The following SCLT1 variants were observed in gnomAD, a reference collection of about 807,000 sequenced individuals.
SCLT1 encodes the protein sodium channel-associated protein 1.
SCLT1 carries 78 observed loss-of-function variants against 112.8 expected under a neutral mutation model. The observed-to-expected ratio is 0.69, with a 90% CI of 0.58 to 0.83. The LOEUF (loss-of-function observed/expected upper bound fraction) is 0.83, where lower values mean the gene tolerates loss of function less well. Among genes scored for constraint, SCLT1 ranks in the 40% least tolerant of loss-of-function variants. SCLT1 has a pLI of 0.00. For missense variants in SCLT1, 747 were observed against 770.4 expected (o/e 0.97, Z 0.36); for synonymous variants, 257 against 254.7 (o/e 1.01, Z -0.09).
At position 129,051,235 on chromosome 4, in the gene SCLT1, A is replaced by G. The variant is rs185223090; in HGVS notation, c.103-7184T>C. On this transcript the variant is annotated intron_variant, in intron 2 of 20. Transcript: ENST00000281142. ...TCTTTTTTGGTTCCACATGAAATTT[A>G]AAGTAGTTTTTTTCTAGTTCTGTTT... 1.8e-3 allele frequency among the ~76,000 whole-genome samples: 277 copies of G among 152,054 alleles called. 1 individual carries two copies. The highest frequency in any genetic ancestry group is 2.7e-3 in the Non-Finnish European group (182 of 67,904).
chr4:128,880,957 G>A (rs750910882), downstream of SCLT1, among the ~76,000 whole-genome samples: 7 of 152,280 alleles, frequency 4.6e-5, no homozygotes, highest in South Asian at 2.1e-4. Context: ...CTATGAGAAC[G>A]TGGGGCACAT....
intron 5 of SCLT1, among the ~76,000 whole-genome samples, chr4:129,024,985 G>A (rs1387447075): frequency 1.3e-5 from 2 of 151,862 alleles, no homozygotes; most frequent in African/African-American, 4.8e-5. Flanking sequence ...GAAGCGAGAA[G>A]GGAAGTTTAG....
intron 18 of SCLT1, among the ~76,000 whole-genome samples, chr4:128,914,624 C>A (rs867627583): frequency 6.6e-6 from 1 of 151,940 alleles, no homozygotes; most frequent in Non-Finnish European, 1.5e-5. Context: ...GATTTGAAAA[C>A]ATTAAGGAGA....
Position 129,040,045 on chromosome 4 carries a change from C to T in SCLT1, c.235-949G>A, listed in dbSNP as rs919639847. The T allele has an allele frequency of 9.7e-6, 6 of 617,330 alleles. No homozygotes were observed. In the African/African-American group the frequency reaches 1.1e-4, roughly 11 times the overall value. 38.2% of individuals were successfully genotyped at this position (617,330 alleles called of 1,614,324 possible). On this transcript the variant is annotated intron_variant, in intron 4 of 20. Transcript: ENST00000281142. The stretch of plus-strand genomic sequence containing the variant: ...CCTAAGCTAAAGGAGAGAAGCTTAT[C>T]CTGGAGTACACTTTCGCAAGGGCCA...
chr4:129,011,638 T>C (rs1454228568), intron 5 of SCLT1, among the ~76,000 whole-genome samples: 1 of 152,056 alleles, frequency 6.6e-6, no homozygotes. Context: ...GTATATTTGG[T>C]AGAATTTGGC....
At position 128,954,785 on chromosome 4, in the gene SCLT1, C is replaced by A. The variant is rs142771195; in HGVS notation, c.1147-1945G>T. Among the ~76,000 whole-genome samples the A allele has an allele frequency of 1.6e-3, 248 of 152,198 alleles. 2 individuals carry two copies. The highest frequency in any genetic ancestry group is 0.014 in the East Asian group (71 of 5,174). ...ACATGTATTATCTCATTAATTCTCA[C>A]AAAAATCCAATGAGGTTGTTATTAT... On this transcript the variant is annotated intron_variant, in intron 13 of 20. Coordinates refer to ENST00000281142, the MANE Select transcript of SCLT1 (RefSeq NM_144643.4).
At chr4:128,925,934 T>C (rs1031320603) in intron 18 of SCLT1, among the ~76,000 whole-genome samples, 1 of 151,988 alleles carries the variant, frequency 6.6e-6, no homozygotes, top group African/African-American at 2.4e-5. Context: ...TCTCTCCTTA[T>C]CATCTTCATG....
rs536394799 is a variant in SCLT1, at chr4:128,878,679, A to ATTT, written n.226-2046_226-2044dup. On this transcript the variant is annotated intron_variant and non_coding_transcript_variant, in intron 3 of 7. Coordinates refer to the SCLT1 transcript ENST00000503565. Reference sequence around the variant, plus strand: ...TTACAATAACTAAACACAATTTAACATTTTTTTGGTCGATTAAAATTGGTG... The same window carrying ATTT: ...TTACAATAACTAAACACAATTTAACATTTTTTTTTTGGTCGATTAAAATTGGTG... Among the ~76,000 whole-genome samples the ATTT allele has an allele frequency of 5.3e-5, 8 of 152,256 alleles. No homozygotes were observed. The South Asian group carries it at 1.7e-3, about 32-fold the overall frequency.
At chr4:129,008,307 T>C (rs938626064) in intron 5 of SCLT1, among the ~76,000 whole-genome samples, 7 of 152,192 alleles carry the variant, frequency 4.6e-5, no homozygotes, top group African/African-American at 2.4e-5. Flanking sequence ...CAATTCTTAG[T>C]TGACAGTTTT....
chr4:128,940,602 C>G (rs149088725), intron 17 of SCLT1, among the ~76,000 whole-genome samples: 47 of 151,850 alleles, frequency 3.1e-4, no homozygotes, highest in Middle Eastern at 3.4e-3. Context: ...AACATATACA[C>G]TATATGTCAA....
intron 9 of SCLT1, among the ~76,000 whole-genome samples, chr4:128,991,666 T>C (rs1216933587): frequency 6.6e-6 from 1 of 151,714 alleles, no homozygotes; most frequent in African/African-American, 2.4e-5. Flanking sequence ...AATACCTGAA[T>C]AGTAATTTTG....
chr4:128,949,551 C>T (rs1738513424), intron 14 of SCLT1, among the ~76,000 whole-genome samples: 1 of 151,962 alleles, frequency 6.6e-6, no homozygotes, highest in Admixed American at 6.6e-5. Context: ...CACAACAGTC[C>T]CTGGTGTGTG....
At position 129,093,487 on chromosome 4, in the gene SCLT1, T is replaced by C. The variant is rs1231092194; in HGVS notation, c.-384A>G. On this transcript the variant is annotated 5_prime_UTR_variant, in exon 1 of 21. Coordinates refer to ENST00000281142, the MANE Select transcript of SCLT1 (RefSeq NM_144643.4). The stretch of plus-strand genomic sequence containing the variant: ...GCGTTCTACGCGGAGCGGCGGGGGT[T>C]GGAGAGGACAACGCCAAGACGGCTG... 1 of 215,508 alleles carries C rather than the reference T, an allele frequency of 4.6e-6. No individual in the cohort carries two copies. The allele number at this position is 215,508 out of a possible 1,614,324, so 13.3% of individuals were successfully genotyped here.
intron 9 of SCLT1, among the ~76,000 whole-genome samples, chr4:128,978,718 G>A (rs1741397512): frequency 6.6e-6 from 1 of 152,060 alleles, no homozygotes; most frequent in East Asian, 1.9e-4. Context: ...TCAAAGAATA[G>A]GAAGAAGAAA....
chr4:128,902,360 C>T (rs896942741), intron 18 of SCLT1, among the ~76,000 whole-genome samples: 2 of 152,138 alleles, frequency 1.3e-5, no homozygotes, highest in Non-Finnish European at 2.9e-5. Flanking sequence ...GAGTTTGCTA[C>T]ACAAACCTAG....
intron 9 of SCLT1, among the ~76,000 whole-genome samples, chr4:128,979,199 C>T (rs545019737): frequency 5.9e-5 from 9 of 152,268 alleles, no homozygotes; most frequent in African/African-American, 2.2e-4. Flanking sequence ...GTTAAACAAC[C>T]TACCCAAGTC....
chr4:128,947,058 ACT>A (rs1738228798), intron 15 of SCLT1, among the ~76,000 whole-genome samples: 1 of 152,066 alleles, frequency 6.6e-6, no homozygotes, highest in Non-Finnish European at 1.5e-5. Flanking sequence ...CTGCTTTGTC[ACT>A]CTCTATAAAA....
intron 5 of SCLT1, 32 bp downstream of exon 5, chr4:129,039,009 T>C: frequency 7.9e-7 from 1 of 1,267,192 alleles, no homozygotes; most frequent in Non-Finnish European, 1.2e-6. Flanking sequence ...AAGACAATAA[T>C]AAAAGATAAA....
chr4:128,988,342 G>C (rs994243637), intron 9 of SCLT1, among the ~76,000 whole-genome samples: 1 of 151,962 alleles, frequency 6.6e-6, no homozygotes, highest in African/African-American at 2.4e-5. Flanking sequence ...AAAAGCAGGG[G>C]AGATGAAGTT....
Sources: gnomAD v4.1 joint callset for allele counts (sites outside exome capture counted in the v4.1 genomes callset) on GRCh38, gnomAD v4.1.1 for gene constraint, MANE v1.5 for transcripts, NCBI Gene and HGNC (gene_info 2026-07-23, HGNC 2026-07-21) for gene names.